Variants in CFAP52 observed in about 807,000 individuals in gnomAD.
CFAP52 encodes the protein cilia and flagella associated protein 52.
CFAP52 carries 57 observed loss-of-function variants against 70.5 expected under a neutral mutation model. That is an observed-to-expected ratio of 0.81 (90% CI 0.65 to 1.01). The LOEUF (loss-of-function observed/expected upper bound fraction) is 1.01. Among genes scored for constraint, CFAP52 ranks in the 50% least tolerant of loss-of-function variants. CFAP52 has a pLI of 0.00. For missense variants in CFAP52, 785 were observed against 788.5 expected (o/e 1.00, Z 0.05); for synonymous variants, 267 against 292.5 (o/e 0.91, Z 0.89).
At position 9,576,750 on chromosome 17, in the gene CFAP52, G is replaced by A. The variant is rs1208193725; in HGVS notation, c.55G>A (p.Val19Met). Residue 19 changes from valine to methionine, a missense_variant, in exon 1 of 14, where the codon GTG (valine) becomes ATG (methionine). By Grantham distance (21) the Val-to-Met change is conservative. Transcript: ENST00000352665. ...AQVAELELDA[V>M]IGFNGHVPTG... Reference sequence around the variant, plus strand: ...AGTGGCGGAGCTGGAACTTGACGCCGTGATCGGCTTCAATGGTGAGGCCTC... The same window carrying A: ...AGTGGCGGAGCTGGAACTTGACGCCATGATCGGCTTCAATGGTGAGGCCTC... 6.2e-7 allele frequency: 1 copy of A among 1,612,358 alleles called. No individual in the cohort carries two copies. Among genetic ancestry groups the A allele is most frequent in the Non-Finnish European group, 8.5e-7 (1 of 1,179,196 alleles).
chr17:9,607,266 A>C (rs549604836), intron 6 of CFAP52, among the ~76,000 whole-genome samples: 2 of 152,330 alleles, frequency 1.3e-5, no homozygotes, highest in South Asian at 4.1e-4. Context: ...GAATCGCTTG[A>C]ACTTGGGAGG....
chr17:9,606,013 G>A (rs532816117), intron 6 of CFAP52, among the ~76,000 whole-genome samples: 1 of 151,926 alleles, frequency 6.6e-6, no homozygotes, highest in South Asian at 2.1e-4. Context: ...GAAGTATTGG[G>A]GAAATCTCAA....
At chr17:9,588,822 G>C (rs114949599) in intron 3 of CFAP52, among the ~76,000 whole-genome samples, 1,646 of 147,862 alleles carry the variant, frequency 0.011, 31 homozygotes, top group African/African-American at 0.038. Flanking sequence ...GCCCAGGCTG[G>C]AGTAATGGCA....
At chr17:9,585,395 G>A (rs554529281) in intron 1 of CFAP52, among the ~76,000 whole-genome samples, 22 of 152,200 alleles carry the variant, frequency 1.4e-4, no homozygotes, top group Middle Eastern at 3.4e-3. Context: ...TTGGCCGGGC[G>A]CGGTGGCTCA....
At chr17:9,633,100 T>A in intron 10 of CFAP52, 67 bp downstream of exon 10, 1 of 1,526,142 alleles carries the variant, frequency 6.6e-7, no homozygotes, top group Non-Finnish European at 8.8e-7. Flanking sequence ...GGAAGCCATC[T>A]ATTTGCTTTT....
At position 9,616,581 on chromosome 17, in the gene CFAP52, G is replaced by A. The variant is rs1374489878; in HGVS notation, c.1025+4102G>A. Among the ~76,000 whole-genome samples, 2 of 148,678 alleles carry A rather than the reference G, an allele frequency of 1.3e-5. 1 individual carries two copies. Among genetic ancestry groups the A allele is most frequent in the East Asian group, 4.0e-4 (2 of 5,046 alleles). ...AAACAAAAAGACAGCAGTAACCTCTGCAGACTTACGTGTCCCTGTCTGACA... is the reference window on the plus strand; with the variant it reads ...AAACAAAAAGACAGCAGTAACCTCTACAGACTTACGTGTCCCTGTCTGACA... On this transcript the variant is annotated intron_variant, in intron 8 of 13. Coordinates refer to ENST00000352665, the MANE Select transcript of CFAP52 (RefSeq NM_145054.5).
intron 8 of CFAP52, among the ~76,000 whole-genome samples, chr17:9,624,423 C>T (rs1910163932): frequency 6.6e-6 from 1 of 151,968 alleles, no homozygotes; most frequent in Non-Finnish European, 1.5e-5. Flanking sequence ...ACAGATTTTT[C>T]ACCATCTCCA....
At position 9,594,254 on chromosome 17, in the gene CFAP52, A is replaced by T; in HGVS notation, c.469A>T (p.Asn157Tyr). 6.2e-7 allele frequency: 1 copy of T among 1,613,960 alleles called. No individual in the cohort carries two copies. Among genetic ancestry groups the T allele is most frequent in the Non-Finnish European group, 8.5e-7 (1 of 1,179,978 alleles). Residue 157 changes from asparagine to tyrosine, a missense_variant, in exon 4 of 14, where the codon AAT becomes TAT. Transcript: ENST00000352665. ...AICGSPAAGL[N>Y]VGNATNVIFS... ...CTGTGGCAGCCCTGCAGCCGGCCTC[A>T]ATGTTGGCAATGCCACCAATGTGAT...
rs73975757 is a variant in CFAP52, at chr17:9,633,051, T to C, written c.1320+18T>C. The C allele has an allele frequency of 5.8e-4, 939 of 1,609,804 alleles. 7 individuals carry two copies. The African/African-American group carries it at 0.01, about 18-fold the overall frequency. On this transcript the variant is annotated intron_variant, in intron 10 of 13. Coordinates refer to ENST00000352665, the MANE Select transcript of CFAP52 (RefSeq NM_145054.5). ...AAGGGGAGGTATTGAAAGCAGAAAT[T>C]TGAAAAAATAACGCTCTGTTTAGAA...
At chr17:9,598,034 C>T (rs1441504141) in intron 4 of CFAP52, among the ~76,000 whole-genome samples, 200 bp from the exon 5 acceptor site, 1 of 152,074 alleles carries the variant, frequency 6.6e-6, no homozygotes, top group Non-Finnish European at 1.5e-5. Flanking sequence ...AAGCTCCGCA[C>T]TTTCTAATTT....
rs555923244 is a variant in CFAP52, at chr17:9,633,675, C to CTTTTTTTT, written c.1320+651_1320+658dup. On this transcript the variant is annotated intron_variant, in intron 10 of 13. Transcript: ENST00000352665. ...GTGGTTGTACGAATTGTCATCTTAT[C>CTTTTTTTT]TTTTTTTTTTTTTTTTAGACGGACA... Among the ~76,000 whole-genome samples, 26 of 138,544 alleles carry CTTTTTTTT rather than the reference C, an allele frequency of 1.9e-4. 1 individual carries two copies. Among genetic ancestry groups the CTTTTTTTT allele is most frequent in the African/African-American group, 6.6e-4 (25 of 38,160 alleles). The allele number at this position is 138,544 out of a possible 152,430, so 90.9% of individuals were successfully genotyped here. A position where few individuals can be genotyped will look rare whatever the true frequency, so the allele number is the denominator to read the frequency against.
At chr17:9,623,447 A>G (rs373056043) in intron 8 of CFAP52, among the ~76,000 whole-genome samples, 2 of 152,144 alleles carry the variant, frequency 1.3e-5, no homozygotes, top group African/African-American at 4.8e-5. Context: ...ATATGTTTGT[A>G]TTAAATCTTT....
At chr17:9,579,482 G>T in intron 1 of CFAP52, among the ~76,000 whole-genome samples, 1 of 152,160 alleles carries the variant, frequency 6.6e-6, no homozygotes, top group East Asian at 1.9e-4. Flanking sequence ...ATTGAGTTTA[G>T]ATTTCAGATG....
chr17:9,612,851 A>G (rs1909766899), intron 8 of CFAP52, among the ~76,000 whole-genome samples: 2 of 152,336 alleles, frequency 1.3e-5, no homozygotes, highest in Middle Eastern at 3.4e-3. Context: ...AGTAGAAACT[A>G]TATTTCAAGT....
chr17:9,599,988 G>A (rs1377604820), intron 5 of CFAP52, 79 bp from the exon 6 acceptor site: 18 of 1,171,376 alleles, frequency 1.5e-5, no homozygotes, highest in Non-Finnish European at 1.5e-5. Flanking sequence ...TGATCCACCC[G>A]CCTCGGCCTC....
At position 9,628,752 on chromosome 17, in the gene CFAP52, G is replaced by A. The variant is rs141646758; in HGVS notation, c.1106G>A (p.Arg369Gln). 2,456 of 1,614,104 alleles carry A rather than the reference G, an allele frequency of 1.5e-3. 5 individuals carry two copies. The highest frequency in any genetic ancestry group is 2.0e-3 in the Non-Finnish European group (2,330 of 1,180,020). ...ACATCATCCAACAGGGAGCTGCTGC[G>A]GATCACCGTGCCCAACATGACCTGC... ...WHTSSNRELLRITVPNMTCHG... is the reference protein window; with the variant it reads ...WHTSSNRELLQITVPNMTCHG... The change falls in exon 9 of 14, where the codon CGG (arginine) becomes CAG (glutamine). Residue 369 changes from arginine to glutamine, a missense_variant. By Grantham distance (43) the Arg-to-Gln change is conservative. Transcript: ENST00000352665.
At chr17:9,601,437 C>G (rs1887948347) in intron 6 of CFAP52, among the ~76,000 whole-genome samples, 1 of 151,792 alleles carries the variant, frequency 6.6e-6, no homozygotes, top group Non-Finnish European at 1.5e-5. Flanking sequence ...AAAAAAGTAC[C>G]ACATTTATGT....
chr17:9,639,954 G>A (rs570044820), intron 12 of CFAP52, among the ~76,000 whole-genome samples: 8 of 152,292 alleles, frequency 5.3e-5, no homozygotes, highest in Non-Finnish European at 1.2e-4. Context: ...TGTGAATCCT[G>A]AGAAACATGG....
Position 9,636,255 on chromosome 17 carries a change from A to G in CFAP52, c.1472+699A>G, listed in dbSNP as rs975390962. ...AGAAAGAAAGAAAGAAAGAAAGAGA[A>G]AGAAAAATAACTAATGCAGGCAGTG... On this transcript the variant is annotated intron_variant, in intron 11 of 13. Transcript: ENST00000352665. Among the ~76,000 whole-genome samples, 23 of 144,278 alleles carry G rather than the reference A, an allele frequency of 1.6e-4. 1 individual carries two copies. The highest frequency in any genetic ancestry group is 3.9e-4 in the African/African-American group (15 of 38,750). 94.7% of individuals were successfully genotyped at this position (144,278 alleles called of 152,430 possible). A position where few individuals can be genotyped will look rare whatever the true frequency, so the allele number is the denominator to read the frequency against.
Sources: gnomAD v4.1 joint callset for allele counts (sites outside exome capture counted in the v4.1 genomes callset) on GRCh38, gnomAD v4.1.1 for gene constraint, MANE v1.5 for transcripts, NCBI Gene and HGNC (gene_info 2026-07-23, HGNC 2026-07-21) for gene names.